Variants in LRRN3 observed in about 807,000 individuals in gnomAD.
LRRN3 encodes leucine rich repeat neuronal 3.
In LRRN3, 15 loss-of-function variants were observed where a neutral mutation model predicts 40.1. That is an observed-to-expected ratio of 0.37 (90% CI 0.25 to 0.58). The LOEUF is 0.58. Among genes scored for constraint, LRRN3 ranks in the 20% least tolerant of loss-of-function variants. The pLI is 0.72. For synonymous variants in LRRN3, 308 were observed against 297.2 expected (o/e 1.04, Z -0.37); for missense variants, 746 against 837.7 (o/e 0.89, Z 1.35).
At chr7:111,093,655 C>T (rs1378086037) in intron 1 of LRRN3, among the ~76,000 whole-genome samples, 1 of 152,142 alleles carries the variant, frequency 6.6e-6, no homozygotes, top group African/African-American at 2.4e-5. Flanking sequence ...TTACAGAGAT[C>T]AGTAATGTGC....
At chr7:111,118,615 T>A in intron 2 of LRRN3, among the ~76,000 whole-genome samples, 1 of 152,076 alleles carries the variant, frequency 6.6e-6, no homozygotes, top group East Asian at 1.9e-4. Flanking sequence ...TCATTAATAT[T>A]AAATTAATAA....
chr7:111,125,057 C>A lies in LRRN3; in HGVS notation c.*158C>A. On this transcript the variant is annotated 3_prime_UTR_variant, in exon 3 of 3. Coordinates refer to ENST00000308478, the MANE Select transcript of LRRN3 (RefSeq NM_001099658.2). The stretch of plus-strand genomic sequence containing the variant: ...TAAGCTTCACCAATGCTGCTCCTGA[C>A]CAATGGAAATATGTACAACTTCAGC... 1 of 574,294 alleles carries A rather than the reference C, an allele frequency of 1.7e-6. No individual in the cohort carries two copies. Among genetic ancestry groups the A allele is most frequent in the Non-Finnish European group, 3.0e-6 (1 of 329,576 alleles). 35.6% of individuals were successfully genotyped at this position (574,294 alleles called of 1,614,324 possible).
intron 1 of LRRN3, among the ~76,000 whole-genome samples, chr7:111,094,336 A>C (rs1218178630): frequency 6.6e-6 from 1 of 152,136 alleles, no homozygotes; most frequent in African/African-American, 2.4e-5. Flanking sequence ...AATCTGAAGG[A>C]GATCATTAAA....
At chr7:111,115,613 C>T (rs1045939776) in intron 2 of LRRN3, among the ~76,000 whole-genome samples, 16 of 151,758 alleles carry the variant, frequency 1.1e-4, no homozygotes, top group African/African-American at 3.1e-4. Flanking sequence ...ACAAATTGGA[C>T]GTATTAGGGT....
rs575554869 is a variant in LRRN3, at chr7:111,124,612, T to C, written c.1840T>C (p.Leu614=). ...ATGTGTAAATGTCACCACCAAAGGTTTGCACCCTGATCAAAAAGAGTATGA... is the reference window on the plus strand; with the variant it reads ...ATGTGTAAATGTCACCACCAAAGGTCTGCACCCTGATCAAAAAGAGTATGA... ...KKCVNVTTKG[L]HPDQKEYEKN... Residue 614 remains leucine, a synonymous_variant, in exon 3 of 3, where the codon TTG becomes CTG. Coordinates refer to ENST00000308478, the MANE Select transcript of LRRN3 (RefSeq NM_001099658.2). The C allele has an allele frequency of 6.2e-7, 1 of 1,613,970 alleles. No homozygotes were observed.
chr7:111,106,835 C>G (rs889783891), intron 2 of LRRN3, among the ~76,000 whole-genome samples: 2 of 151,214 alleles, frequency 1.3e-5, no homozygotes, highest in East Asian at 1.9e-4. Flanking sequence ...TTCTTTTCCA[C>G]TGTTCTCAAT....
intron 2 of LRRN3, among the ~76,000 whole-genome samples, chr7:111,110,420 A>G (rs1327597412): frequency 6.6e-6 from 1 of 152,196 alleles, no homozygotes; most frequent in Non-Finnish European, 1.5e-5. Flanking sequence ...CTTATCTTCC[A>G]AGAAAACATA....
rs1800775446 is a variant in LRRN3, at chr7:111,122,541, A to G, written c.-232A>G. The G allele has an allele frequency of 3.1e-5, 16 of 513,756 alleles. 1 individual carries two copies. The South Asian group carries it at 4.6e-4, about 15-fold the overall frequency. The allele number at this position is 513,756 out of a possible 1,614,324, so 31.8% of individuals were successfully genotyped here. The stretch of plus-strand genomic sequence containing the variant: ...CTCCACCTTCAAAAAGTACATCAAT[A>G]TTATATCATTAAGGAAATAGTAACC... On this transcript the variant is annotated 5_prime_UTR_variant, in exon 3 of 3. It adds an upstream start codon to the 5' untranslated region. Transcript: ENST00000308478.
At chr7:111,095,985 C>A (rs1054827921) in intron 1 of LRRN3, among the ~76,000 whole-genome samples, 1 of 151,910 alleles carries the variant, frequency 6.6e-6, no homozygotes. Flanking sequence ...ATATCACAAT[C>A]CTATTCTTTT....
At position 111,124,758 on chromosome 7, in the gene LRRN3, G is replaced by C. The variant is rs199968425; in HGVS notation, c.1986G>C (p.Val662=). 1 of 1,613,812 alleles carries C rather than the reference G, an allele frequency of 6.2e-7. No individual in the cohort carries two copies. The highest frequency in any genetic ancestry group is 1.1e-5 in the South Asian group (1 of 91,072). The change falls in exon 3 of 3, where the codon GTG becomes GTC. Residue 662 remains valine (V), a synonymous_variant. Coordinates refer to ENST00000308478, the MANE Select transcript of LRRN3 (RefSeq NM_001099658.2). ...EMNCDGGHSY[V]RNYLQKPTFA... is the part of the protein sequence containing the mutation. ...ACTGTGATGGTGGACACAGCTATGT[G>C]AGGAATTACTTACAGAAACCAACCT...
chr7:111,112,603 CT>C (rs538424328), intron 2 of LRRN3, among the ~76,000 whole-genome samples: 7 of 152,098 alleles, frequency 4.6e-5, no homozygotes, highest in Non-Finnish European at 7.4e-5. Flanking sequence ...ATTTTTAAAA[CT>C]TTTTTGTATC....
At chr7:111,115,380 G>T (rs1267271746) in intron 2 of LRRN3, among the ~76,000 whole-genome samples, 1 of 152,010 alleles carries the variant, frequency 6.6e-6, no homozygotes, top group African/African-American at 2.4e-5. Context: ...GCTCAGTTGA[G>T]CAAAATCAAT....
chr7:111,112,900 A>C (rs1423435265), intron 2 of LRRN3, among the ~76,000 whole-genome samples: 3 of 152,158 alleles, frequency 2.0e-5, no homozygotes, highest in African/African-American at 7.2e-5. Context: ...TGTTTATTGC[A>C]TTTGAAAAAA....
chr7:111,099,124 A>G (rs546729366), intron 1 of LRRN3, among the ~76,000 whole-genome samples: 10 of 151,684 alleles, frequency 6.6e-5, no homozygotes, highest in African/African-American at 2.2e-4. Context: ...CTCTATCATC[A>G]TTTTTCCATC....
At chr7:111,108,933 G>C (rs1798861344) in intron 2 of LRRN3, among the ~76,000 whole-genome samples, 1 of 152,120 alleles carries the variant, frequency 6.6e-6, no homozygotes, top group African/African-American at 2.4e-5. Flanking sequence ...ATTCTAGCTA[G>C]GCATTGGAGA....
At chr7:111,121,461 CA>C (rs1020005159) in intron 2 of LRRN3, among the ~76,000 whole-genome samples, 1 of 152,036 alleles carries the variant, frequency 6.6e-6, no homozygotes, top group Admixed American at 6.6e-5. Context: ...TTTATGCAGC[CA>C]AAAGACACAT....
At chr7:111,092,383 G>C (rs964027335) in intron 1 of LRRN3, among the ~76,000 whole-genome samples, 3 of 152,196 alleles carry the variant, frequency 2.0e-5, no homozygotes, top group African/African-American at 7.2e-5. Context: ...TGTTGAGCTG[G>C]ATGGCTTAAT....
At chr7:111,098,949 C>G (rs1281809875) in intron 1 of LRRN3, among the ~76,000 whole-genome samples, 2 of 151,724 alleles carry the variant, frequency 1.3e-5, no homozygotes, top group Non-Finnish European at 3.0e-5. Context: ...ATGCATTCTG[C>G]TCATACTAGA....
At chr7:111,121,316 C>T (rs938959581) in intron 2 of LRRN3, among the ~76,000 whole-genome samples, 5 of 152,266 alleles carry the variant, frequency 3.3e-5, no homozygotes, top group African/African-American at 1.2e-4. Flanking sequence ...TGCCTGTTCG[C>T]TCTGATGGTA....
Sources: allele counts gnomAD v4.1 joint callset (sites outside exome capture counted in the v4.1 genomes callset), GRCh38; gene constraint gnomAD v4.1.1; transcripts MANE v1.5; gene names NCBI Gene and HGNC (gene_info 2026-07-23, HGNC 2026-07-21).